C7orf57: variants seen among roughly 807,000 people sequenced by gnomAD.
C7orf57 encodes uncharacterized protein C7orf57.
A neutral mutation model predicts 39.0 loss-of-function variants in C7orf57; 33 were observed. The ratio of observed to expected loss-of-function variants is 0.85; its 90% CI spans 0.64 to 1.13. C7orf57 has a LOEUF of 1.13. Ranked by LOEUF, C7orf57 falls within the 50% of genes most tolerant of loss-of-function variation. The pLI is 0.00. For synonymous variants in C7orf57, 124 were observed against 137.1 expected, an observed-to-expected ratio of 0.90 and a Z score of 0.67; for missense variants, 346 against 362.3, an observed-to-expected ratio of 0.95 and a Z score of 0.37.
intron 4 of C7orf57, among the ~76,000 whole-genome samples, chr7:48,045,124 C>T (rs939387556): frequency 8.5e-5 from 13 of 152,186 alleles, no homozygotes; most frequent in Non-Finnish European, 1.8e-4. Context: ...CAGTGTTTTC[C>T]GTCCTCCTGG....
chr7:48,046,204 C>T (rs746971878), intron 4 of C7orf57, among the ~76,000 whole-genome samples: 4 of 144,652 alleles, frequency 2.8e-5, no homozygotes, highest in Admixed American at 7.1e-5. Context: ...TCAAGAGAGA[C>T]GGAAGAGAAG....
chr7:48,059,842 C>T (rs1308730836), intron 8 of C7orf57, among the ~76,000 whole-genome samples: 2 of 152,136 alleles, frequency 1.3e-5, no homozygotes, highest in East Asian at 1.9e-4. Context: ...AGCAGGGACA[C>T]GTGCCATGCC....
intron 2 of C7orf57, among the ~76,000 whole-genome samples, chr7:48,039,070 T>C (rs1790470128): frequency 6.6e-6 from 1 of 152,160 alleles, no homozygotes; most frequent in African/African-American, 2.4e-5. Flanking sequence ...ACATCTCTTA[T>C]CAGACCTAAA....
rs71006546 is a variant in C7orf57, at chr7:48,051,347, A to ATTTTTTTTTTTTTTTT, written c.606-1348_606-1333dup. Among the ~76,000 whole-genome samples, 34 of 69,778 alleles carry ATTTTTTTTTTTTTTTT rather than the reference A, an allele frequency of 4.9e-4. 3 individuals carry two copies. Among genetic ancestry groups the ATTTTTTTTTTTTTTTT allele is most frequent in the African/African-American group, 1.8e-3 (30 of 16,560 alleles). 45.8% of individuals were successfully genotyped at this position (69,778 alleles called of 152,430 possible). ...AGGTGCCTGCCACCACAGCTGGCTA[A>ATTTTTTTTTTTTTTTT]TTTTTTTTTTTTTTTTTTTTGGAGA... is the stretch of plus-strand genomic sequence containing the variant. On this transcript the variant is annotated intron_variant, in intron 6 of 8. Transcript: ENST00000348904.
At chr7:48,049,375 A>G (rs1027312838) in intron 5 of C7orf57, among the ~76,000 whole-genome samples, 1 of 152,114 alleles carries the variant, frequency 6.6e-6, no homozygotes, top group Non-Finnish European at 1.5e-5. Flanking sequence ...CATGTGGTGT[A>G]ATGCATTTAC....
At chr7:48,057,192 A>T (rs1186423346) in intron 8 of C7orf57, among the ~76,000 whole-genome samples, 1 of 151,974 alleles carries the variant, frequency 6.6e-6, no homozygotes, top group African/African-American at 2.4e-5. Context: ...TAGGGATTGC[A>T]TTGAATCTGT....
intron 2 of C7orf57, among the ~76,000 whole-genome samples, chr7:48,036,780 C>A (rs1450491656): frequency 6.6e-6 from 1 of 152,206 alleles, no homozygotes; most frequent in Non-Finnish European, 1.5e-5. Flanking sequence ...CTTGCTCCTA[C>A]TTTAGACCCC....
chr7:48,036,070 T>C (rs1790346272), intron 1 of C7orf57, 138 bp from the exon 2 acceptor site: 5 of 603,150 alleles, frequency 8.3e-6, no homozygotes, highest in Middle Eastern at 4.4e-4. Context: ...CCCTTCTGTT[T>C]ACCTGGCGTG....
At position 48,060,868 on chromosome 7, in the gene C7orf57, T is replaced by A. The variant is rs1333933080; in HGVS notation, c.*596T>A. 6.6e-6 allele frequency: 1 copy of A among 152,186 alleles called. No homozygotes were observed. The highest frequency in any genetic ancestry group is 2.4e-5 in the African/African-American group (1 of 41,464). The allele number at this position is 152,186 out of a possible 1,614,324, so 9.4% of individuals were successfully genotyped here. ...TTCAAAATATTAAACATTTGTTATT[T>A]TGTATAAACCTTTAAGTAAAAATAT... On this transcript the variant is annotated 3_prime_UTR_variant, in exon 9 of 9. Transcript: ENST00000348904.
chr7:48,051,663 T>C (rs112084119), intron 6 of C7orf57, among the ~76,000 whole-genome samples: 105,384 of 145,306 alleles, frequency 0.73, 40,504 homozygotes, highest in Middle Eastern at 0.86. Flanking sequence ...TCCCTTCCTT[T>C]CTTCCTTTCT....
intron 8 of C7orf57, among the ~76,000 whole-genome samples, chr7:48,056,753 A>C (rs1262614873): frequency 6.6e-6 from 1 of 152,120 alleles, no homozygotes; most frequent in Non-Finnish European, 1.5e-5. Context: ...TAGCAGTTTT[A>C]CAGTTTCTGG....
At chr7:48,037,282 AG>A (rs1357060313) in intron 2 of C7orf57, among the ~76,000 whole-genome samples, 3 of 152,222 alleles carry the variant, frequency 2.0e-5, no homozygotes, top group Non-Finnish European at 2.9e-5. Flanking sequence ...AACAGCAGTA[AG>A]GAACACTAAC....
rs1554299678 is a variant in C7orf57, at chr7:48,051,766, C to CTTTCTTTCT, written c.606-931_606-923dup. ...TTCTTTTTCTTTTCTTTCTTTCTTT[C>CTTTCTTTCT]TTTCTTTCTTTCTTTCTTTCTTTCT... On this transcript the variant is annotated intron_variant, in intron 6 of 8. Coordinates refer to ENST00000348904, the MANE Select transcript of C7orf57 (RefSeq NM_001100159.3). Among the ~76,000 whole-genome samples the CTTTCTTTCT allele has an allele frequency of 4.5e-4, 29 of 63,862 alleles. 3 individuals are homozygous for CTTTCTTTCT. Among genetic ancestry groups the CTTTCTTTCT allele is most frequent in the South Asian group, 1.6e-3 (3 of 1,894 alleles). The allele number at this position is 63,862 out of a possible 152,430, so 41.9% of individuals were successfully genotyped here.
At chr7:48,051,007 C>T (rs955765650) in intron 6 of C7orf57, among the ~76,000 whole-genome samples, 7 of 152,112 alleles carry the variant, frequency 4.6e-5, no homozygotes, top group Admixed American at 1.3e-4. Flanking sequence ...CTACCTCTAC[C>T]GTGTCAAACT....
Position 48,041,334 on chromosome 7 carries a change from A to G in C7orf57, c.56A>G (p.Asp19Gly). 6.2e-7 allele frequency: 1 copy of G among 1,611,366 alleles called. No homozygotes were observed. Among genetic ancestry groups the G allele is most frequent in the Non-Finnish European group, 8.5e-7 (1 of 1,178,474 alleles). The change falls in exon 3 of 9, where the codon GAT becomes GGT. Residue 19 changes from aspartate to glycine, a missense_variant and splice_region_variant. Asp to Gly is a moderately conservative substitution (Grantham distance 94). Transcript: ENST00000348904. ...GGCCCTCCGCCTCTCTCCTCTATAG[A>G]TTGGTATTACCACGTCCCAGTGAAG... ...QGATHRYAPC[D>G]WYYHVPVKRS... is the part of the protein sequence containing the mutation.
chr7:48,055,448 AC>A (rs1318380174), intron 8 of C7orf57, among the ~76,000 whole-genome samples: 2 of 152,024 alleles, frequency 1.3e-5, no homozygotes, highest in Non-Finnish European at 2.9e-5. Context: ...TCAAATACTT[AC>A]CCTTTTTTTG....
At chr7:48,054,412 CAAA>C (rs35256733) in intron 7 of C7orf57, among the ~76,000 whole-genome samples, 180 bp from the exon 8 acceptor site, 38 of 86,500 alleles carry the variant, frequency 4.4e-4, no homozygotes, top group Non-Finnish European at 5.5e-4. Context: ...GAAACTCTCT[CAAA>C]AAAAAAAAAA....
Position 48,035,778 on chromosome 7 carries a change from G to C in C7orf57, c.-102+148G>C, listed in dbSNP as rs562323177. On this transcript the variant is annotated intron_variant, in intron 1 of 8. Coordinates refer to ENST00000348904, the MANE Select transcript of C7orf57 (RefSeq NM_001100159.3). The surrounding 1 kb of genome is among the most constrained non-coding windows in gnomAD (Gnocchi z 4.0). Reference sequence around the variant, plus strand: ...GCCGGGTTGGGATGAGCACAGGGCGGGATCTCCAAGCCTGCCCAAGTCCCG... The same window carrying C: ...GCCGGGTTGGGATGAGCACAGGGCGCGATCTCCAAGCCTGCCCAAGTCCCG... 1.7e-6 allele frequency: 1 copy of C among 583,132 alleles called. No homozygotes were observed. The highest frequency in any genetic ancestry group is 1.9e-5 in the African/African-American group (1 of 51,446). 36.1% of individuals were successfully genotyped at this position (583,132 alleles called of 1,614,324 possible).
chr7:48,041,315 C>T lies in C7orf57; in HGVS notation c.56-19C>T. ...CGACACACAGCAACAGTGTGGCCCT[C>T]CGCCTCTCTCCTCTATAGATTGGTA... On this transcript the variant is annotated intron_variant, in intron 2 of 8. Coordinates refer to ENST00000348904, the MANE Select transcript of C7orf57 (RefSeq NM_001100159.3). The T allele has an allele frequency of 6.3e-7, 1 of 1,596,572 alleles. No individual in the cohort carries two copies. Among genetic ancestry groups the T allele is most frequent in the Non-Finnish European group, 8.6e-7 (1 of 1,169,230 alleles).
Sources: gnomAD v4.1 joint callset for allele counts (sites outside exome capture counted in the v4.1 genomes callset) on GRCh38, gnomAD v4.1.1 for gene constraint, Gnocchi (gnomAD v3.1) non-coding constraint, MANE v1.5 for transcripts, NCBI Gene and HGNC (gene_info 2026-07-23, HGNC 2026-07-21) for gene names.